Variants in CEP112 observed in about 807,000 individuals in gnomAD.
The protein encoded by CEP112 is centrosomal protein of 112 kDa.
A neutral mutation model predicts 153.0 loss-of-function variants in CEP112; 127 were observed. The observed-to-expected ratio is 0.83, with a 90% CI of 0.72 to 0.96. The LOEUF is 0.96. CEP112 is among the 40% of genes least tolerant of loss of function. The pLI is 0.00. For missense variants in CEP112, 1,089 were observed against 1,101.2 expected (o/e 0.99, Z 0.16); for synonymous variants, 358 against 374.4 (o/e 0.96, Z 0.51).
chr17:65,768,179 A>T (rs566335601), intron 21 of CEP112, among the ~76,000 whole-genome samples: 14 of 152,236 alleles, frequency 9.2e-5, no homozygotes, highest in African/African-American at 2.9e-4. Context: ...TATATATTAC[A>T]TTTATCCTAC....
At chr17:66,150,070 T>TC (rs2071130703) in intron 4 of CEP112, among the ~76,000 whole-genome samples, 1 of 148,798 alleles carries the variant, frequency 6.7e-6, no homozygotes, top group East Asian at 2.0e-4. Context: ...ATTTTTTTTT[T>TC]TTTTTTTTTT....
intron 17 of CEP112, among the ~76,000 whole-genome samples, chr17:65,989,583 A>C (rs1285198806): frequency 6.6e-6 from 1 of 152,200 alleles, no homozygotes; most frequent in Non-Finnish European, 1.5e-5. Flanking sequence ...GAGAGAATTC[A>C]CCAACACCAG....
chr17:65,989,509 A>G (rs2063521746), intron 17 of CEP112, among the ~76,000 whole-genome samples: 1 of 152,080 alleles, frequency 6.6e-6, no homozygotes, highest in Admixed American at 6.5e-5. Context: ...AAAATGCTAT[A>G]TACAGCAAAA....
intron 19 of CEP112, among the ~76,000 whole-genome samples, chr17:65,921,738 T>C (rs2060735690): frequency 6.6e-6 from 1 of 152,176 alleles, no homozygotes; most frequent in Non-Finnish European, 1.5e-5. Flanking sequence ...ATGGCTTCCA[T>C]TAATAGTATC....
intron 19 of CEP112, among the ~76,000 whole-genome samples, chr17:65,920,362 A>ACAAACAAAAAAAAAAAAAAAT: frequency 2.3e-5 from 1 of 42,784 alleles, no homozygotes; most frequent in African/African-American, 8.6e-5. Flanking sequence ...AAACAAACAA[A>ACAAACAAAAAAAAAAAAAAAT]ATATATATAT....
At chr17:65,980,370 G>C (rs758433229) in intron 17 of CEP112, among the ~76,000 whole-genome samples, 9 of 152,048 alleles carry the variant, frequency 5.9e-5, no homozygotes, top group Non-Finnish European at 1.2e-4. Flanking sequence ...AATTCAATGA[G>C]GAAATAAACA....
At chr17:65,854,151 G>C (rs1188747756) in intron 20 of CEP112, among the ~76,000 whole-genome samples, 1 of 152,026 alleles carries the variant, frequency 6.6e-6, no homozygotes, top group African/African-American at 2.4e-5. Flanking sequence ...AACAAGCACA[G>C]CCTAAACCAA....
chr17:65,655,237 C>G (rs2046001442), intron 24 of CEP112: 8 of 909,206 alleles, frequency 8.8e-6, no homozygotes, highest in African/African-American at 1.6e-5. Context: ...TGAAGTCATC[C>G]CGGAGAATAC....
chr17:65,649,896 A>T (rs2045647131), intron 24 of CEP112, among the ~76,000 whole-genome samples: 3 of 152,286 alleles, frequency 2.0e-5, no homozygotes, highest in Non-Finnish European at 2.9e-5. Flanking sequence ...CAATACATTC[A>T]TCTTGCACCT....
chr17:65,732,190 T>C (rs781299725), intron 23 of CEP112, among the ~76,000 whole-genome samples: 27 of 152,228 alleles, frequency 1.8e-4, no homozygotes, highest in Non-Finnish European at 1.9e-4. Flanking sequence ...GATGCTGTGT[T>C]AGCAGGCAAG....
intron 17 of CEP112, among the ~76,000 whole-genome samples, chr17:66,004,277 C>T (rs544461907): frequency 4.2e-4 from 64 of 151,900 alleles, no homozygotes; most frequent in African/African-American, 1.5e-3. Context: ...GTCAGGAGTT[C>T]GAGACCAGCC....
chr17:65,691,928 C>G (rs755435135), intron 23 of CEP112, among the ~76,000 whole-genome samples: 3 of 152,310 alleles, frequency 2.0e-5, no homozygotes, highest in South Asian at 2.1e-4. Context: ...AAACAACACT[C>G]CAGCCCCGCT....
intron 21 of CEP112, among the ~76,000 whole-genome samples, chr17:65,791,056 C>A (rs1000781824): frequency 2.0e-5 from 3 of 151,000 alleles, no homozygotes; most frequent in Admixed American, 6.6e-5. Context: ...GAGGCTTAAT[C>A]TTCATATGAT....
intron 4 of CEP112, among the ~76,000 whole-genome samples, chr17:66,143,426 A>C (rs926983323): frequency 1.5e-4 from 23 of 152,146 alleles, no homozygotes; most frequent in African/African-American, 5.1e-4. Context: ...AAAAAGCAAA[A>C]CAAAAAGGCT....
At chr17:66,168,293 A>G (rs2072067775) in intron 4 of CEP112, among the ~76,000 whole-genome samples, 1 of 152,112 alleles carries the variant, frequency 6.6e-6, no homozygotes, top group African/African-American at 2.4e-5. Flanking sequence ...CCTCTAAAAC[A>G]CATATACACA....
At chr17:65,682,148 C>T (rs904985396) in intron 24 of CEP112, among the ~76,000 whole-genome samples, 12 of 151,876 alleles carry the variant, frequency 7.9e-5, no homozygotes, top group African/African-American at 9.7e-5. Context: ...CACCTGCCAC[C>T]GCGCCCAGCT....
At chr17:65,805,855 C>T (rs2055567433) in intron 21 of CEP112, among the ~76,000 whole-genome samples, 1 of 152,182 alleles carries the variant, frequency 6.6e-6, no homozygotes, top group African/African-American at 2.4e-5. Flanking sequence ...AAAAAATCTT[C>T]ATATGGAAAC....
chr17:66,186,105 A>G (rs1400292078), intron 1 of CEP112, among the ~76,000 whole-genome samples: 1 of 151,538 alleles, frequency 6.6e-6, no homozygotes, highest in East Asian at 1.9e-4. Flanking sequence ...CAACCATGCA[A>G]TGGAAGGAAA....
At chr17:66,030,676 T>C (rs775352361) in intron 12 of CEP112, among the ~76,000 whole-genome samples, 8 of 152,200 alleles carry the variant, frequency 5.3e-5, no homozygotes, top group Non-Finnish European at 1.0e-4. Context: ...TTAATATTTA[T>C]TTAGAATTTT....
Sources: gnomAD v4.1 joint callset for allele counts (sites outside exome capture counted in the v4.1 genomes callset) on GRCh38, gnomAD v4.1.1 for gene constraint, MANE v1.5 for transcripts, NCBI Gene and HGNC (gene_info 2026-07-23, HGNC 2026-07-21) for gene names.